RABEP1: variants seen among roughly 807,000 people sequenced by gnomAD.
The protein encoded by RABEP1 is rab GTPase-binding effector protein 1.
Under a neutral mutation model 123.4 loss-of-function variants are expected in RABEP1, and 51 were observed. The ratio of observed to expected loss-of-function variants is 0.41; its 90% CI spans 0.33 to 0.52. The LOEUF (loss-of-function observed/expected upper bound fraction) is 0.52, where lower values mean the gene tolerates loss of function less well. Among genes scored for constraint, RABEP1 ranks in the 20% least tolerant of loss-of-function variants. The pLI, the probability that RABEP1 is intolerant of heterozygous loss-of-function variation, is 0.16. For synonymous variants in RABEP1, 347 were observed against 355.2 expected (o/e 0.98, Z 0.26); for missense variants, 888 against 996.3 (o/e 0.89, Z 1.46).
intron 1 of RABEP1, among the ~76,000 whole-genome samples, chr17:5,289,366 G>A (rs953372385): frequency 2.7e-5 from 4 of 147,314 alleles, no homozygotes; most frequent in South Asian, 2.1e-4. Context: ...CATTTACCTC[G>A]TTTTAAAAAT....
intron 3 of RABEP1, among the ~76,000 whole-genome samples, chr17:5,334,298 C>G (rs1906846114): frequency 1.3e-5 from 2 of 151,890 alleles, no homozygotes. Flanking sequence ...GTGGCATGAT[C>G]TCGGCTCACT....
chr17:5,367,415 G>A (rs893502549), intron 11 of RABEP1, among the ~76,000 whole-genome samples: 13 of 150,346 alleles, frequency 8.6e-5, no homozygotes, highest in Admixed American at 6.6e-4. Flanking sequence ...GGGACTACAG[G>A]CACCCGCCAC....
intron 17 of RABEP1, 33 bp from the exon 18 acceptor site, chr17:5,383,089 C>T (rs1264461786): frequency 6.3e-7 from 1 of 1,580,094 alleles, no homozygotes; most frequent in Non-Finnish European, 8.7e-7. Context: ...TAGGCAGGAG[C>T]CACCTGTAGT....
At chr17:5,319,428 G>A (rs1018592688) in intron 2 of RABEP1, among the ~76,000 whole-genome samples, 6 of 151,076 alleles carry the variant, frequency 4.0e-5, no homozygotes, top group South Asian at 2.1e-4. Flanking sequence ...GTGCAGTGCC[G>A]CAATCTCGGC....
At position 5,385,324 on chromosome 17, in the gene RABEP1, T is replaced by C. The variant is rs778505783; in HGVS notation, c.*2101T>C. ...CCTTCTAGGCAAAAGAAAAGCTCAGTTGGGTTTCACGAGTGTTCCTGTGCT... is the reference window on the plus strand; with the variant it reads ...CCTTCTAGGCAAAAGAAAAGCTCAGCTGGGTTTCACGAGTGTTCCTGTGCT... On this transcript the variant is annotated 3_prime_UTR_variant, in exon 18 of 18. Coordinates refer to ENST00000537505, the MANE Select transcript of RABEP1 (RefSeq NM_004703.6). 8.7e-6 allele frequency: 2 copies of C among 230,824 alleles called. No homozygotes were observed. The highest frequency in any genetic ancestry group is 8.6e-6 in the Non-Finnish European group (1 of 116,652). The allele number at this position is 230,824 out of a possible 1,614,324, so 14.3% of individuals were successfully genotyped here. A position where few individuals can be genotyped will look rare whatever the true frequency, so the allele number is the denominator to read the frequency against.
At chr17:5,369,146 G>T (rs760614950) in intron 12 of RABEP1, among the ~76,000 whole-genome samples, 1 of 152,000 alleles carries the variant, frequency 6.6e-6, no homozygotes, top group South Asian at 2.1e-4. Context: ...TTTCACAGGG[G>T]TTATGAAAAA....
chr17:5,382,930 C>G (rs1008296944), intron 17 of RABEP1, among the ~76,000 whole-genome samples, 192 bp from the exon 18 acceptor site: 17 of 151,312 alleles, frequency 1.1e-4, no homozygotes, highest in East Asian at 7.8e-4. Context: ...CTCTCCCCCC[C>G]AAAAAAAAAT....
intron 10 of RABEP1, 125 bp downstream of exon 10, chr17:5,363,141 T>A: frequency 1.4e-6 from 1 of 695,604 alleles, no homozygotes; most frequent in East Asian, 2.7e-5. Flanking sequence ...TGTTAAGTTA[T>A]GAAATAACCT....
intron 13 of RABEP1, 134 bp from the exon 14 acceptor site, chr17:5,376,982 A>C (rs1911043450): frequency 1.2e-6 from 1 of 869,544 alleles, no homozygotes; most frequent in South Asian, 1.8e-5. Flanking sequence ...TGAAGCTCTA[A>C]GTGGCTTAAT....
At chr17:5,284,992 T>C (rs756043192) in intron 1 of RABEP1, among the ~76,000 whole-genome samples, 5 of 152,102 alleles carry the variant, frequency 3.3e-5, no homozygotes, top group African/African-American at 2.4e-5. Context: ...AAAAAAAATA[T>C]TGTCTGTTTT....
At chr17:5,299,731 C>CTTTTTTTT (rs1171650180) in intron 1 of RABEP1, among the ~76,000 whole-genome samples, 3 of 96,870 alleles carry the variant, frequency 3.1e-5, no homozygotes, top group Non-Finnish European at 5.6e-5. Flanking sequence ...TTTTCTTTTT[C>CTTTTTTTT]TTTTTTTTTT....
intron 10 of RABEP1, 40 bp from the exon 11 acceptor site, chr17:5,365,082 A>T: frequency 7.5e-7 from 1 of 1,329,508 alleles, no homozygotes; most frequent in Non-Finnish European, 1.0e-6. Context: ...AAATTATAAA[A>T]GGATTCTGGT....
chr17:5,367,108 A>G (rs1024883069), intron 11 of RABEP1, among the ~76,000 whole-genome samples: 1 of 151,732 alleles, frequency 6.6e-6, no homozygotes, highest in Non-Finnish European at 1.5e-5. Context: ...AAAAAAATCA[A>G]ATTTATTAAT....
At chr17:5,369,948 G>A (rs942267032) in intron 12 of RABEP1, among the ~76,000 whole-genome samples, 1 of 151,970 alleles carries the variant, frequency 6.6e-6, no homozygotes, top group African/African-American at 2.4e-5. Flanking sequence ...ATCCACCCGC[G>A]TTGGCCTCCC....
intron 3 of RABEP1, among the ~76,000 whole-genome samples, chr17:5,332,686 G>A (rs1290085477): frequency 6.9e-6 from 1 of 145,710 alleles, no homozygotes; most frequent in Non-Finnish European, 1.5e-5. Context: ...TGTACTCGCT[G>A]CAACCTCTGC....
At chr17:5,373,618 CCAT>C (rs998408445) in intron 13 of RABEP1, among the ~76,000 whole-genome samples, 164 bp downstream of exon 13, 1 of 150,704 alleles carries the variant, frequency 6.6e-6, no homozygotes, top group Admixed American at 6.7e-5. Context: ...ATGTGTGCAA[CCAT>C]CATCACAATC....
chr17:5,339,231 A>G (rs973834048), intron 5 of RABEP1, among the ~76,000 whole-genome samples: 4 of 152,348 alleles, frequency 2.6e-5, no homozygotes, highest in East Asian at 1.9e-4. Flanking sequence ...GAATTTATCA[A>G]TAGTCTTGGT....
At chr17:5,320,085 C>T (rs750460022) in intron 2 of RABEP1, among the ~76,000 whole-genome samples, 2 of 151,928 alleles carry the variant, frequency 1.3e-5, no homozygotes, top group Non-Finnish European at 2.9e-5. Flanking sequence ...ATATAATAAC[C>T]AACTCTCAGT....
At chr17:5,316,560 CG>C (rs1479032997) in intron 2 of RABEP1, among the ~76,000 whole-genome samples, 1 of 149,894 alleles carries the variant, frequency 6.7e-6, no homozygotes, top group Non-Finnish European at 1.5e-5. Flanking sequence ...AGGCTGGGCA[CG>C]GTGACTCATG....
Sources: allele counts gnomAD v4.1 joint callset (sites outside exome capture counted in the v4.1 genomes callset), GRCh38; gene constraint gnomAD v4.1.1; transcripts MANE v1.5; gene names NCBI Gene and HGNC (gene_info 2026-07-23, HGNC 2026-07-21).